Variants in GRID1 observed in about 807,000 individuals in gnomAD.
The protein encoded by GRID1 is glutamate receptor ionotropic, delta-1.
GRID1 carries 28 observed loss-of-function variants against 98.0 expected under a neutral mutation model. The ratio of observed to expected loss-of-function variants is 0.29; its 90% CI spans 0.21 to 0.39. The LOEUF is 0.39. Ranked by LOEUF, GRID1 falls within the 10% of genes least tolerant of loss-of-function variation. The pLI, the probability that GRID1 is intolerant of heterozygous loss-of-function variation, is 1.00. For synonymous variants in GRID1, 553 were observed against 538.5 expected (o/e 1.03, Z -0.37); for missense variants, 1,111 against 1,340.5 (o/e 0.83, Z 2.67).
At chr10:85,903,966 T>C (rs1281281402) in intron 5 of GRID1, among the ~76,000 whole-genome samples, 1 of 152,258 alleles carries the variant, frequency 6.6e-6, no homozygotes, top group Non-Finnish European at 1.5e-5. Flanking sequence ...AACAGATTTC[T>C]CATGGGCACC....
At chr10:86,093,656 A>G (rs1468999673) in intron 4 of GRID1, among the ~76,000 whole-genome samples, 1 of 152,248 alleles carries the variant, frequency 6.6e-6, no homozygotes, top group African/African-American at 2.4e-5. Context: ...AACCAGGAAG[A>G]ATTAGATACC....
chr10:85,922,028 G>T (rs1188016569), intron 4 of GRID1, among the ~76,000 whole-genome samples: 1 of 152,128 alleles, frequency 6.6e-6, no homozygotes, highest in African/African-American at 2.4e-5. Context: ...CTTGCAGAAG[G>T]TCCCTTAGCC....
intron 3 of GRID1, among the ~76,000 whole-genome samples, chr10:86,175,601 C>T (rs1314484505): frequency 2.0e-5 from 3 of 152,212 alleles, no homozygotes; most frequent in Admixed American, 6.5e-5. Context: ...GCTGTTAACC[C>T]GGTGGTTGAC....
At chr10:86,271,853 G>GA (rs1164846478) in intron 2 of GRID1, among the ~76,000 whole-genome samples, 1 of 151,960 alleles carries the variant, frequency 6.6e-6, no homozygotes, top group African/African-American at 2.4e-5. Context: ...GGAGGAAACA[G>GA]AAAAAATATT....
At chr10:85,690,275 A>C (rs1169724805) in intron 12 of GRID1, among the ~76,000 whole-genome samples, 2 of 152,226 alleles carry the variant, frequency 1.3e-5, no homozygotes, top group East Asian at 3.9e-4. Flanking sequence ...ACATCCTTAA[A>C]ATTGTATATT....
intron 8 of GRID1, among the ~76,000 whole-genome samples, chr10:85,749,545 G>A (rs1842027041): frequency 6.6e-6 from 1 of 152,140 alleles, no homozygotes; most frequent in African/African-American, 2.4e-5. Context: ...CATAAATCAT[G>A]TTATACTACT....
At chr10:85,699,458 T>C (rs1021628524) in intron 12 of GRID1, among the ~76,000 whole-genome samples, 2 of 152,218 alleles carry the variant, frequency 1.3e-5, no homozygotes, top group African/African-American at 4.8e-5. Context: ...GTCTTCTTGT[T>C]CCCTTAACAA....
chr10:86,069,802 G>A (rs1843776806), intron 4 of GRID1, among the ~76,000 whole-genome samples: 1 of 152,212 alleles, frequency 6.6e-6, no homozygotes, highest in African/African-American at 2.4e-5. Context: ...TTCATTTCCT[G>A]TTAGCCATAA....
intron 2 of GRID1, among the ~76,000 whole-genome samples, chr10:86,271,292 C>T (rs945209649): frequency 6.6e-6 from 1 of 152,156 alleles, no homozygotes; most frequent in Admixed American, 6.5e-5. Flanking sequence ...AAACAAGACC[C>T]AAAAGGATCA....
chr10:86,108,735 T>C (rs1844431524), intron 4 of GRID1, among the ~76,000 whole-genome samples: 2 of 152,174 alleles, frequency 1.3e-5, no homozygotes, highest in Admixed American at 6.5e-5. Context: ...GATTTGCAGG[T>C]CCTATGTTTA....
intron 8 of GRID1, among the ~76,000 whole-genome samples, chr10:85,804,396 T>G (rs1021864922): frequency 6.6e-6 from 1 of 151,830 alleles, no homozygotes; most frequent in African/African-American, 2.4e-5. Context: ...AAAAGCCTCA[T>G]ACAAAGAAAA....
At chr10:85,868,657 G>T (rs1273230018) in intron 6 of GRID1, among the ~76,000 whole-genome samples, 1 of 152,142 alleles carries the variant, frequency 6.6e-6, no homozygotes, top group African/African-American at 2.4e-5. Flanking sequence ...GGTTCAAAAT[G>T]ATCACTTCCC....
At chr10:86,360,405 T>C (rs1262972267) in intron 2 of GRID1, among the ~76,000 whole-genome samples, 2 of 152,248 alleles carry the variant, frequency 1.3e-5, no homozygotes, top group African/African-American at 4.8e-5. Context: ...CTTGACACTT[T>C]CCTGTACCTT....
chr10:85,641,310 T>TTCTG (rs1843114264), intron 13 of GRID1, among the ~76,000 whole-genome samples: 1 of 152,238 alleles, frequency 6.6e-6, no homozygotes, highest in Admixed American at 6.5e-5. Context: ...ATCTCCAAGT[T>TTCTG]TCTGTAATGG....
intron 4 of GRID1, among the ~76,000 whole-genome samples, chr10:86,051,416 G>A (rs939565787): frequency 1.3e-5 from 2 of 150,818 alleles, no homozygotes; most frequent in Non-Finnish European, 2.9e-5. Flanking sequence ...CTTTGTACTA[G>A]GGAATGTTTT....
At chr10:85,873,110 T>G (rs1159898700) in intron 5 of GRID1, among the ~76,000 whole-genome samples, 1 of 152,246 alleles carries the variant, frequency 6.6e-6, no homozygotes, top group East Asian at 1.9e-4. Flanking sequence ...GGGGTGAGTA[T>G]AGGGATGCAT....
intron 4 of GRID1, among the ~76,000 whole-genome samples, chr10:86,053,570 C>A (rs2131907641): frequency 6.6e-6 from 1 of 152,214 alleles, no homozygotes; most frequent in South Asian, 2.1e-4. Flanking sequence ...CCGTGTTGGC[C>A]AGGCTGGTCT....
intron 5 of GRID1, among the ~76,000 whole-genome samples, chr10:85,908,306 A>G (rs570476026): frequency 9.9e-5 from 15 of 152,176 alleles, no homozygotes; most frequent in Admixed American, 4.6e-4. Context: ...ATCTATGAAA[A>G]ACTCCACTAG....
intron 2 of GRID1, among the ~76,000 whole-genome samples, chr10:86,223,055 G>A (rs1485976606): frequency 6.6e-6 from 1 of 152,210 alleles, no homozygotes; most frequent in Non-Finnish European, 1.5e-5. Flanking sequence ...CCATGCCACT[G>A]ACCTGCTTCT....
Sources: gnomAD v4.1 joint callset for allele counts (sites outside exome capture counted in the v4.1 genomes callset) on GRCh38, gnomAD v4.1.1 for gene constraint, MANE v1.5 for transcripts, NCBI Gene and HGNC (gene_info 2026-07-23, HGNC 2026-07-21) for gene names.